The following ARB2A variants were observed in gnomAD, a reference collection of about 807,000 sequenced individuals.
ARB2A encodes the protein ARB2 cotranscriptional regulator A, also known as cotranscriptional regulator ARB2A.
the ARB2A span, among the ~76,000 whole-genome samples, chr5:94,104,397 GA>G: frequency 6.7e-6 from 1 of 149,124 alleles, no homozygotes; most frequent in African/African-American, 2.5e-5. Flanking sequence ...ACACAAACTA[GA>G]AATCTTAGAG....
the ARB2A span, among the ~76,000 whole-genome samples, chr5:94,108,784 G>T: frequency 6.6e-6 from 1 of 152,176 alleles, no homozygotes; most frequent in African/African-American, 2.4e-5. Context: ...GGAGAAATTG[G>T]ACTCCTTTGC....
chr5:93,621,617 G>C, the ARB2A span, among the ~76,000 whole-genome samples: 1 of 152,346 alleles, frequency 6.6e-6, no homozygotes, highest in Middle Eastern at 3.4e-3. Flanking sequence ...TTTCCCCTGC[G>C]TGCGGGATCG....
chr5:93,631,817 AG>A, the ARB2A span, among the ~76,000 whole-genome samples: 6 of 110,468 alleles, frequency 5.4e-5, no homozygotes, highest in South Asian at 1.9e-3. Context: ...GGGAGAGGGG[AG>A]GGGGGAGAGA....
the ARB2A span, among the ~76,000 whole-genome samples, chr5:93,817,594 A>G: frequency 6.6e-6 from 1 of 152,220 alleles, no homozygotes; most frequent in African/African-American, 2.4e-5. Context: ...TACAGTAATC[A>G]AGTCAGTGTG....
chr5:93,621,183 TGAGGGCGGC>T, the ARB2A span: 1 of 1,527,326 alleles, frequency 6.5e-7, no homozygotes, highest in East Asian at 2.6e-5. Context: ...CCAGGCGCGG[TGAGGGCGGC>T]GAGGGCCAGG....
At chr5:93,952,807 T>C in the ARB2A span, among the ~76,000 whole-genome samples, 1 of 152,200 alleles carries the variant, frequency 6.6e-6, no homozygotes, top group African/African-American at 2.4e-5. Flanking sequence ...ACTCTTAGAT[T>C]TGCCCTTTTG....
chr5:93,618,205 C>T, the ARB2A span: 1 of 151,260 alleles, frequency 6.6e-6, no homozygotes, highest in Admixed American at 6.6e-5. Context: ...GGCAGAAACT[C>T]GAGAAAAGAA....
At chr5:93,975,862 G>C in the ARB2A span, among the ~76,000 whole-genome samples, 2 of 151,984 alleles carry the variant, frequency 1.3e-5, no homozygotes, top group African/African-American at 4.8e-5. Context: ...TACGCAAAGA[G>C]CTAGTACCAA....
At chr5:93,702,287 G>A in the ARB2A span, among the ~76,000 whole-genome samples, 1 of 152,122 alleles carries the variant, frequency 6.6e-6, no homozygotes, top group Non-Finnish European at 1.5e-5. Flanking sequence ...TGTATGAAGA[G>A]ACTAAGGTCC....
At chr5:93,622,475 A>G in the ARB2A span, among the ~76,000 whole-genome samples, 1 of 152,194 alleles carries the variant, frequency 6.6e-6, no homozygotes, top group East Asian at 1.9e-4. Flanking sequence ...TGACAGTATC[A>G]CAATCTAGGA....
At chr5:93,810,578 A>T in the ARB2A span, among the ~76,000 whole-genome samples, 34 of 151,944 alleles carry the variant, frequency 2.2e-4, no homozygotes, top group Non-Finnish European at 4.0e-4. Context: ...ATTTAAAAAA[A>T]TTTTTTGTAG....
chr5:93,949,202 C>T, the ARB2A span, among the ~76,000 whole-genome samples: 32 of 151,850 alleles, frequency 2.1e-4, no homozygotes, highest in African/African-American at 6.3e-4. Context: ...TTACTGGGTA[C>T]GTGAGATATT....
chr5:94,046,151 A>T, the ARB2A span, among the ~76,000 whole-genome samples: 1 of 152,216 alleles, frequency 6.6e-6, no homozygotes, highest in Non-Finnish European at 1.5e-5. Flanking sequence ...CGCATGACTC[A>T]GAAATGGAAA....
chr5:94,099,996 A>C, the ARB2A span, among the ~76,000 whole-genome samples: 1 of 152,252 alleles, frequency 6.6e-6, no homozygotes, highest in Non-Finnish European at 1.5e-5. Context: ...GAGGAAGTCA[A>C]ATTACCTATT....
chr5:93,931,730 C>A, the ARB2A span, among the ~76,000 whole-genome samples: 1 of 151,028 alleles, frequency 6.6e-6, no homozygotes, highest in East Asian at 1.9e-4. Context: ...ATGTAACCAG[C>A]AGTCAGATTA....
the ARB2A span, among the ~76,000 whole-genome samples, chr5:93,701,201 GCTT>G: frequency 6.6e-6 from 1 of 152,090 alleles, no homozygotes; most frequent in African/African-American, 2.4e-5. Context: ...ATAATTGTAT[GCTT>G]CTTTTTACTG....
chr5:93,826,445 A>C, the ARB2A span, among the ~76,000 whole-genome samples: 1 of 152,160 alleles, frequency 6.6e-6, no homozygotes, highest in African/African-American at 2.4e-5. Context: ...CACAAAGCCA[A>C]CTATTTAATG....
chr5:93,641,734 A>G, the ARB2A span, among the ~76,000 whole-genome samples: 1 of 152,284 alleles, frequency 6.6e-6, no homozygotes, highest in Non-Finnish European at 1.5e-5. Context: ...AAACTTCTAT[A>G]GTGACTTAAT....
the ARB2A span, chr5:93,740,766 A>ACTGCCCATCTTG: frequency 6.2e-7 from 1 of 1,612,238 alleles, no homozygotes; most frequent in South Asian, 1.1e-5. Context: ...TGGTTGGTCG[A>ACTGCCCATCTTG]CTGCCCATCT....
Sources: gnomAD v4.1 joint callset for allele counts (sites outside exome capture counted in the v4.1 genomes callset) on GRCh38, gnomAD v4.1.1 for gene constraint, MANE v1.5 for transcripts, NCBI Gene and HGNC (gene_info 2026-07-23, HGNC 2026-07-21) for gene names.